KIR3DL2: variants seen among roughly 807,000 people sequenced by gnomAD.
KIR3DL2 encodes killer cell immunoglobulin like receptor, three Ig domains and long cytoplasmic tail 2.
KIR3DL2 carries 42 observed loss-of-function variants against 41.6 expected under a neutral mutation model. The ratio of observed to expected loss-of-function variants is 1.01; its 90% confidence interval spans 0.79 to 1.31. The LOEUF (loss-of-function observed/expected upper bound fraction) is 1.31. Among genes scored for constraint, KIR3DL2 ranks in the 50% most tolerant of loss-of-function variants. KIR3DL2 has a pLI of 0.00. For missense variants in KIR3DL2, 728 were observed against 576.8 expected (o/e 1.26, Z -2.68); for synonymous variants, 230 against 221.3 (o/e 1.04, Z -0.35).
chr19:54,857,086 CT>C (rs201001116), intron 5 of KIR3DL2, among the ~76,000 whole-genome samples: 45,628 of 143,022 alleles, frequency 0.32, 5,025 homozygotes, highest in South Asian at 0.37. Flanking sequence ...TGAAAGTTCT[CT>C]TTTTTTTTTT....
In KIR3DL2 at chr19:54,851,221, GTTC is replaced by G. The variant is rs1471277901; in HGVS notation, c.42_44del (p.Phe14del). On this transcript the variant is annotated inframe_deletion and splice_region_variant, in exon 2 of 9. Transcript: ENST00000326321. ...GTCTATCATGATCTTTCTTTCCAGG[GTTC>G]TTCTTGCTGCAGGGGGCCTGGCCAC... 1.9e-6 allele frequency: 3 copies of G among 1,610,690 alleles called. No homozygotes were observed. Among genetic ancestry groups the G allele is most frequent in the Non-Finnish European group, 2.5e-6 (3 of 1,178,640 alleles).
At chr19:54,865,073 G>T (rs2065412942) in intron 6 of KIR3DL2, among the ~76,000 whole-genome samples, 1 of 152,052 alleles carries the variant, frequency 6.6e-6, no homozygotes, top group African/African-American at 2.4e-5. Flanking sequence ...ATGAAGCGTT[G>T]TTGAATTTTG....
At chr19:54,856,081 T>C (rs1222435882) in intron 5 of KIR3DL2, among the ~76,000 whole-genome samples, 169 bp downstream of exon 5, 5 of 150,394 alleles carry the variant, frequency 3.3e-5, no homozygotes, top group Non-Finnish European at 2.9e-5. Flanking sequence ...CCAAACCCTC[T>C]TGCATGGCCT....
intron 2 of KIR3DL2, 131 bp downstream of exon 2, chr19:54,851,386 T>G: frequency 2.0e-6 from 2 of 983,780 alleles, no homozygotes; most frequent in Non-Finnish European, 3.0e-6. Flanking sequence ...CGGCCCACAT[T>G]TCTGACCTCG....
At chr19:54,866,070 G>C (rs1045150761) in intron 7 of KIR3DL2, among the ~76,000 whole-genome samples, 161 bp downstream of exon 7, 9 of 152,048 alleles carry the variant, frequency 5.9e-5, no homozygotes, top group African/African-American at 1.9e-4. Context: ...ACCTGCCCCT[G>C]CCTTCAGCTC....
At chr19:54,851,704 C>A (rs1468058328) in intron 2 of KIR3DL2, among the ~76,000 whole-genome samples, 2 of 151,720 alleles carry the variant, frequency 1.3e-5, no homozygotes, top group African/African-American at 4.9e-5. Flanking sequence ...GCTGATATTC[C>A]ATTCACATAG....
rs183310058 is a variant in KIR3DL2 at position 54,866,654 on chromosome 19, C to T, written c.1291C>T (p.Leu431Phe). 81 of 1,614,020 alleles carry T rather than the reference C, an allele frequency of 5.0e-5. No homozygotes were observed. The Middle Eastern group carries it at 1.5e-3, about 30-fold the overall frequency. The change falls in exon 9 of 9, where the codon CTT becomes TTT. Residue 431 changes from leucine (L) to phenylalanine (F), a missense_variant. Coordinates refer to ENST00000326321, the MANE Select transcript of KIR3DL2 (RefSeq NM_006737.4). ...PLTDTSVYTE[L>F]PNAEPRSKVV... ...AACAGATACCAGCGTGTACACGGAA[C>T]TTCCAAATGCTGAGCCCAGATCCAA...
At chr19:54,863,870 GT>G (rs2065339609) in intron 6 of KIR3DL2, among the ~76,000 whole-genome samples, 1 of 151,920 alleles carries the variant, frequency 6.6e-6, no homozygotes, top group Non-Finnish European at 1.5e-5. Context: ...ATTAGATCCC[GT>G]TTGTCAATTT....
intron 6 of KIR3DL2, among the ~76,000 whole-genome samples, chr19:54,860,416 G>A (rs1410189956): frequency 6.6e-6 from 1 of 152,018 alleles, no homozygotes; most frequent in East Asian, 1.9e-4. Context: ...TGTCGTCCAG[G>A]CTAGAGTGCG....
intron 6 of KIR3DL2, among the ~76,000 whole-genome samples, chr19:54,860,520 C>A (rs1487233664): frequency 6.6e-6 from 1 of 151,978 alleles, no homozygotes; most frequent in Non-Finnish European, 1.5e-5. Flanking sequence ...CAGACCACAA[C>A]CACCACGCCC....
intron 5 of KIR3DL2, among the ~76,000 whole-genome samples, chr19:54,857,788 C>T (rs1396833331): frequency 2.0e-5 from 3 of 151,594 alleles, no homozygotes; most frequent in East Asian, 1.9e-4. Context: ...TCAGGTGATC[C>T]GCCCACCTCC....
intron 5 of KIR3DL2, 122 bp downstream of exon 5, chr19:54,856,034 G>GC (rs2145623567): frequency 8.4e-7 from 1 of 1,192,354 alleles, no homozygotes; most frequent in South Asian, 1.4e-5. Flanking sequence ...TGGGTGTGAG[G>GC]GGGGGGTCAG....
At chr19:54,851,282 G>T in intron 2 of KIR3DL2, 27 bp downstream of exon 2, 2 of 1,600,892 alleles carry the variant, frequency 1.2e-6, no homozygotes, top group Non-Finnish European at 1.7e-6. Flanking sequence ...ACCTTAGGGT[G>T]TCATCTCCCC....
intron 2 of KIR3DL2, 124 bp downstream of exon 2, chr19:54,851,379 C>A: frequency 9.3e-7 from 1 of 1,069,898 alleles, no homozygotes; most frequent in Non-Finnish European, 1.4e-6. Context: ...GGATACTCGG[C>A]CCACATTTCT....
At position 54,856,342 on chromosome 19, in the gene KIR3DL2, ATTTACCAAC is replaced by A. The variant is rs1010782200; in HGVS notation, c.949+438_949+446del. ...TATTGAGGTTAAATGTAACTATATAATTTACCAACTTTACCATTTTTAAAAGTAAAATCT... is the reference window on the plus strand; with the variant it reads ...TATTGAGGTTAAATGTAACTATATAATTTACCATTTTTAAAAGTAAAATCT... On this transcript the variant is annotated intron_variant, in intron 5 of 8. Coordinates refer to ENST00000326321, the MANE Select transcript of KIR3DL2 (RefSeq NM_006737.4). Among the ~76,000 whole-genome samples, 208 of 151,856 alleles carry A rather than the reference ATTTACCAAC, an allele frequency of 1.4e-3. 2 individuals are homozygous for A. The highest frequency in any genetic ancestry group is 2.4e-3 in the Non-Finnish European group (160 of 68,000).
At position 54,866,931 on chromosome 19, in the gene KIR3DL2, TA is replaced by T; in HGVS notation, c.*201del. The stretch of plus-strand genomic sequence containing the variant: ...CACACTCCTTTGCTTAGCCCACAAG[TA>T]TCTATTTCACTTGACCCCTGCCCAC... On this transcript the variant is annotated 3_prime_UTR_variant, in exon 9 of 9. Transcript: ENST00000326321. 2 of 652,536 alleles carry T rather than the reference TA, an allele frequency of 3.1e-6. No homozygotes were observed. Among genetic ancestry groups the T allele is most frequent in the Admixed American group, 3.0e-5 (1 of 33,642 alleles). 40.4% of individuals were successfully genotyped at this position (652,536 alleles called of 1,614,324 possible). A position where few individuals can be genotyped will look rare whatever the true frequency, so the allele number is the denominator to read the frequency against.
intron 5 of KIR3DL2, among the ~76,000 whole-genome samples, chr19:54,858,769 A>G (rs2064973688): frequency 1.3e-5 from 2 of 151,968 alleles, no homozygotes; most frequent in Non-Finnish European, 2.9e-5. Flanking sequence ...TGCATGGATT[A>G]TATCTGTGTT....
rs919870943 is a variant in KIR3DL2, at chr19:54,859,848, C to T, written c.1000+719C>T. ...AGAATCTGCTTCTCACTTTTCTCAGCTTCTAGAGGCTCCCATGTTCCTTGG... is the reference window on the plus strand; with the variant it reads ...AGAATCTGCTTCTCACTTTTCTCAGTTTCTAGAGGCTCCCATGTTCCTTGG... On this transcript the variant is annotated intron_variant, in intron 6 of 8. Coordinates refer to ENST00000326321, the MANE Select transcript of KIR3DL2 (RefSeq NM_006737.4). 7.2e-4 allele frequency among the ~76,000 whole-genome samples: 110 copies of T among 152,206 alleles called. 1 individual carries two copies. Among genetic ancestry groups the T allele is most frequent in the Non-Finnish European group, 8.7e-4 (59 of 67,980 alleles).
chr19:54,854,945 G>C (rs1273209428), intron 4 of KIR3DL2, among the ~76,000 whole-genome samples: 4 of 151,590 alleles, frequency 2.6e-5, no homozygotes, highest in African/African-American at 9.8e-5. Flanking sequence ...ACAGATGATA[G>C]ATGGATAGAT....
Sources: allele counts gnomAD v4.1 joint callset (sites outside exome capture counted in the v4.1 genomes callset), GRCh38; gene constraint gnomAD v4.1.1; transcripts MANE v1.5; gene names NCBI Gene and HGNC (gene_info 2026-07-23, HGNC 2026-07-21).